ACYP2: variants seen among roughly 807,000 people sequenced by gnomAD.
ACYP2 encodes the protein acylphosphatase-2.
ACYP2 carries 12 observed loss-of-function variants against 11.2 expected under a neutral mutation model. The observed-to-expected ratio is 1.08, with a 90% confidence interval of 0.69 to 1.74. The LOEUF (loss-of-function observed/expected upper bound fraction) is 1.74. Among genes scored for constraint, ACYP2 ranks in the 40% most tolerant of loss-of-function variants. The pLI is 0.00. For synonymous variants in ACYP2, 43 were observed against 32.2 expected (o/e 1.33, Z -1.13); for missense variants, 134 against 101.9 (o/e 1.31, Z -1.35).
intron 6 of ACYP2, 127 bp downstream of exon 3, chr2:54,138,875 C>T: frequency 5.6e-6 from 4 of 712,052 alleles, no homozygotes; most frequent in Admixed American, 2.9e-5. Flanking sequence ...TCACTACAAC[C>T]TCTGCCTTCC....
In ACYP2 at chr2:53,994,841, G is replaced by A. The variant is rs529499298; in HGVS notation, c.62+21031G>A. 8.1e-4 allele frequency among the ~76,000 whole-genome samples: 124 copies of A among 152,184 alleles called. 1 individual carries two copies. The highest frequency in any genetic ancestry group is 2.7e-3 in the African/African-American group (112 of 41,510). ...TACACACACATAAAATATACCTCTG[G>A]CATTACATTATAACTTCCCCCATCA... On this transcript the variant is annotated intron_variant, in intron 2 of 6. Coordinates refer to ENST00000607452, the MANE Select transcript of ACYP2 (RefSeq NM_001320586.2).
intron 2 of ACYP2, among the ~76,000 whole-genome samples, chr2:54,046,035 T>A (rs976185197): frequency 3.3e-5 from 5 of 151,748 alleles, no homozygotes; most frequent in Non-Finnish European, 7.4e-5. Context: ...TTGGGCGTGG[T>A]GGCACATGCC....
chr2:54,244,526 G>C (rs1221095259), intron 6 of ACYP2, among the ~76,000 whole-genome samples: 1 of 152,096 alleles, frequency 6.6e-6, no homozygotes, highest in Non-Finnish European at 1.5e-5. Flanking sequence ...ACTGTGCCTG[G>C]CTTAGATACC....
intron 6 of ACYP2, chr2:54,256,341 G>A (rs1300286488): frequency 2.1e-5 from 13 of 621,290 alleles, no homozygotes; most frequent in Admixed American, 3.2e-5. Context: ...GTGTCTTTAC[G>A]TCTTTGTTAT....
rs1490639513 is a variant in ACYP2, at chr2:54,014,446, A to C, written c.63-36512A>C. Among the ~76,000 whole-genome samples the C allele has an allele frequency of 3.3e-5, 5 of 151,914 alleles. No homozygotes were observed. The East Asian group carries it at 9.7e-4, about 29-fold the overall frequency. On this transcript the variant is annotated intron_variant, in intron 2 of 6. Coordinates refer to ENST00000607452, the MANE Select transcript of ACYP2 (RefSeq NM_001320586.2). ...GCAATTCTCCTGCCTCATCCTCCCG[A>C]GTAGCTGAGATTACAGGTACCCACC... is the stretch of plus-strand genomic sequence containing the variant.
chr2:53,992,560 G>C (rs539419443), intron 2 of ACYP2, among the ~76,000 whole-genome samples: 1 of 152,198 alleles, frequency 6.6e-6, no homozygotes, highest in African/African-American at 2.4e-5. Flanking sequence ...GTCGGGTGCG[G>C]TGGCTCACGC....
intron 6 of ACYP2, among the ~76,000 whole-genome samples, chr2:54,154,599 A>G (rs1682349656): frequency 1.3e-5 from 2 of 152,160 alleles, no homozygotes; most frequent in African/African-American, 4.8e-5. Context: ...GTGTTGAATC[A>G]TCTTTGTATC....
chr2:54,150,815 G>T (rs573234468), intron 6 of ACYP2, among the ~76,000 whole-genome samples: 1 of 144,358 alleles, frequency 6.9e-6, no homozygotes, highest in African/African-American at 2.6e-5. Context: ...AATCTTGGCT[G>T]ACTGCAAGCT....
intron 6 of ACYP2, among the ~76,000 whole-genome samples, chr2:54,194,761 C>G (rs989893065): frequency 8.6e-5 from 13 of 151,884 alleles, no homozygotes; most frequent in African/African-American, 2.4e-4. Context: ...GTATTCCTAA[C>G]TAGATATGAA....
chr2:54,004,212 C>T (rs980034020), intron 2 of ACYP2, among the ~76,000 whole-genome samples: 1 of 152,110 alleles, frequency 6.6e-6, no homozygotes, highest in East Asian at 1.9e-4. Flanking sequence ...GTCTTGAACT[C>T]TGGACCTCAG....
At chr2:53,994,610 T>G (rs992693951) in intron 2 of ACYP2, among the ~76,000 whole-genome samples, 4 of 151,990 alleles carry the variant, frequency 2.6e-5, no homozygotes, top group Non-Finnish European at 4.4e-5. Flanking sequence ...GTGGAAATGC[T>G]TCAACCTCTA....
chr2:54,002,256 C>A (rs898774751), intron 2 of ACYP2, among the ~76,000 whole-genome samples: 2 of 152,168 alleles, frequency 1.3e-5, no homozygotes, highest in African/African-American at 4.8e-5. Context: ...AGGAGTCATA[C>A]AGTATGTAGT....
At position 54,024,102 on chromosome 2, in the gene ACYP2, G is replaced by A. The variant is rs140049006; in HGVS notation, c.63-26856G>A. ...CAAAAAGATAATCCAGGCTGAGTGC[G>A]GTGGCTCATGCCTGTAATCCCAGCA... On this transcript the variant is annotated intron_variant, in intron 2 of 6. Transcript: ENST00000607452. 3.9e-4 allele frequency among the ~76,000 whole-genome samples: 59 copies of A among 152,258 alleles called. 1 individual carries two copies. The highest frequency in any genetic ancestry group is 2.5e-3 in the East Asian group (13 of 5,192).
At chr2:54,285,895 T>A (rs2104128438) in intron 6 of ACYP2, among the ~76,000 whole-genome samples, 1 of 152,272 alleles carries the variant, frequency 6.6e-6, no homozygotes, top group South Asian at 2.1e-4. Flanking sequence ...CTAGAAATCA[T>A]GGAGTGGTGA....
chr2:54,231,222 C>G (rs1159857394), intron 6 of ACYP2, among the ~76,000 whole-genome samples: 1 of 152,222 alleles, frequency 6.6e-6, no homozygotes. Flanking sequence ...ACCTTGGGCA[C>G]ACGTTCTCAG....
At chr2:54,013,475 T>G (rs532984391) in intron 2 of ACYP2, among the ~76,000 whole-genome samples, 2 of 152,030 alleles carry the variant, frequency 1.3e-5, no homozygotes, top group African/African-American at 4.8e-5. Context: ...TAATTTTGTA[T>G]TTTTAGTAGA....
intron 2 of ACYP2, among the ~76,000 whole-genome samples, chr2:53,979,425 G>A (rs1361380138): frequency 6.6e-6 from 1 of 151,866 alleles, no homozygotes; most frequent in Non-Finnish European, 1.5e-5. Context: ...TCAAGAAATT[G>A]AGACCATCCT....
rs201227149 is a variant in ACYP2, at chr2:54,006,473, TG to T, written c.62+32665del. 7.9e-3 allele frequency among the ~76,000 whole-genome samples: 1,205 copies of T among 152,078 alleles called. 9 individuals are homozygous for T. The highest frequency in any genetic ancestry group is 0.013 in the Non-Finnish European group (897 of 67,958). ...CTAGTTTTTTGATTTTTTGTAGAGA[TG>T]GTGTCTTGCTGTGCTGCCCAGAACT... is the stretch of plus-strand genomic sequence containing the variant. On this transcript the variant is annotated intron_variant, in intron 2 of 6. Transcript: ENST00000607452.
At chr2:54,088,970 G>A (rs1678086127) in intron 4 of ACYP2, among the ~76,000 whole-genome samples, 1 of 152,182 alleles carries the variant, frequency 6.6e-6, no homozygotes, top group Non-Finnish European at 1.5e-5. Context: ...AAGACTGTTA[G>A]ATAAGACTAT....
Sources: gnomAD v4.1 joint callset for allele counts (sites outside exome capture counted in the v4.1 genomes callset) on GRCh38, gnomAD v4.1.1 for gene constraint, MANE v1.5 for transcripts, NCBI Gene and HGNC (gene_info 2026-07-23, HGNC 2026-07-21) for gene names.